The following COBL variants were observed in gnomAD, a reference collection of about 807,000 sequenced individuals.
The protein encoded by COBL is cordon-bleu WH2 repeat protein.
A neutral mutation model predicts 98.8 loss-of-function variants in COBL; 51 were observed. The ratio of observed to expected loss-of-function variants is 0.52; its 90% CI spans 0.41 to 0.65. The LOEUF (loss-of-function observed/expected upper bound fraction) is 0.65. Among genes scored for constraint, COBL ranks in the 30% least tolerant of loss-of-function variants. COBL has a pLI of 0.00. For synonymous variants in COBL, 634 were observed against 651.7 expected (o/e 0.97, Z 0.41); for missense variants, 1,617 against 1,617.5 (o/e 1.00, Z 0.01).
chr7:51,136,487 G>A (rs1209663804), intron 5 of COBL, among the ~76,000 whole-genome samples, 156 bp from the exon 6 acceptor site: 1 of 152,206 alleles, frequency 6.6e-6, no homozygotes, highest in Non-Finnish European at 1.5e-5. Flanking sequence ...AGCCCTGCCT[G>A]TAGCTTTCCA....
chr7:51,203,883 T>C (rs1380357576), intron 2 of COBL, among the ~76,000 whole-genome samples: 1 of 152,156 alleles, frequency 6.6e-6, no homozygotes, highest in East Asian at 1.9e-4. Flanking sequence ...TTTATGAGGC[T>C]AGAATCATGC....
At chr7:51,304,213 A>G (rs1751204161) in intron 1 of COBL, among the ~76,000 whole-genome samples, 1 of 152,184 alleles carries the variant, frequency 6.6e-6, no homozygotes, top group African/African-American at 2.4e-5. Context: ...CTGCTAGGAG[A>G]GCAAAACAAA....
At chr7:51,298,723 T>G (rs1199254224) in intron 1 of COBL, among the ~76,000 whole-genome samples, 1 of 152,242 alleles carries the variant, frequency 6.6e-6, no homozygotes, top group Non-Finnish European at 1.5e-5. Context: ...ATTTTCACTG[T>G]TGACCCTGTC....
intron 2 of COBL, among the ~76,000 whole-genome samples, chr7:51,196,657 CTTTTT>C (rs925735721): frequency 5.3e-5 from 8 of 150,330 alleles, no homozygotes; most frequent in African/African-American, 1.9e-4. Context: ...TTTTTCTTTT[CTTTTT>C]TTTTGGTTGG....
intron 1 of COBL, among the ~76,000 whole-genome samples, chr7:51,231,624 C>A (rs534828990): frequency 1.8e-3 from 280 of 152,258 alleles, no homozygotes; most frequent in African/African-American, 6.4e-3. Flanking sequence ...CAGCAGCATG[C>A]GACAGAGAGG....
chr7:51,186,044 A>T (rs1789468823), intron 4 of COBL, among the ~76,000 whole-genome samples: 1 of 152,282 alleles, frequency 6.6e-6, no homozygotes, highest in Admixed American at 6.5e-5. Flanking sequence ...AACATGGTGC[A>T]GCAGCACCAA....
chr7:51,185,556 C>T (rs760943386), intron 4 of COBL, among the ~76,000 whole-genome samples: 3 of 152,232 alleles, frequency 2.0e-5, no homozygotes, highest in Non-Finnish European at 4.4e-5. Flanking sequence ...TTTGTCATTA[C>T]TTCATTCCAT....
At chr7:51,111,219 C>T (rs778519201) in intron 6 of COBL, among the ~76,000 whole-genome samples, 1 of 152,144 alleles carries the variant, frequency 6.6e-6, no homozygotes, top group Non-Finnish European at 1.5e-5. Flanking sequence ...GGGATTGCTG[C>T]ATCATTTAGG....
chr7:51,189,463 G>A (rs1413372575), intron 4 of COBL, among the ~76,000 whole-genome samples: 5 of 152,076 alleles, frequency 3.3e-5, no homozygotes, highest in African/African-American at 9.7e-5. Context: ...GTGAAACCCC[G>A]TCTCTACTAA....
intron 1 of COBL, among the ~76,000 whole-genome samples, chr7:51,314,508 G>A (rs1239312083): frequency 6.6e-6 from 1 of 152,146 alleles, no homozygotes; most frequent in African/African-American, 2.4e-5. Flanking sequence ...TTTATAATTA[G>A]CAAGCATACA....
chr7:51,054,245 T>A (rs933737561), intron 7 of COBL, among the ~76,000 whole-genome samples: 3 of 152,238 alleles, frequency 2.0e-5, no homozygotes, highest in African/African-American at 7.2e-5. Context: ...GCTTTTTTTT[T>A]CTTTTCACAT....
At chr7:51,199,293 A>C (rs1489212085) in intron 2 of COBL, among the ~76,000 whole-genome samples, 1 of 152,170 alleles carries the variant, frequency 6.6e-6, no homozygotes, top group Non-Finnish European at 1.5e-5. Context: ...GAGATACCAG[A>C]GGCAATAACA....
intron 5 of COBL, among the ~76,000 whole-genome samples, chr7:51,155,792 T>A (rs967139760): frequency 6.6e-6 from 1 of 151,990 alleles, no homozygotes. Context: ...TCAGGACTAT[T>A]TAAGCCCTCC....
At chr7:51,223,994 T>A (rs1287494239) in intron 1 of COBL, among the ~76,000 whole-genome samples, 1 of 152,220 alleles carries the variant, frequency 6.6e-6, no homozygotes. Flanking sequence ...CCCCTAAGAC[T>A]GTAATACCTT....
At chr7:51,177,263 T>G (rs989676083) in intron 5 of COBL, among the ~76,000 whole-genome samples, 1 of 152,076 alleles carries the variant, frequency 6.6e-6, no homozygotes, top group African/African-American at 2.4e-5. Flanking sequence ...CTGGGAGGGG[T>G]TGGTTCTCCA....
At chr7:51,037,968 C>T (rs766134162) in intron 8 of COBL, among the ~76,000 whole-genome samples, 1 of 152,192 alleles carries the variant, frequency 6.6e-6, no homozygotes, top group South Asian at 2.1e-4. Context: ...TCTCCTGCCT[C>T]AGCCTCCCTA....
At chr7:51,132,859 T>C (rs1359214207) in intron 6 of COBL, among the ~76,000 whole-genome samples, 2 of 151,826 alleles carry the variant, frequency 1.3e-5, no homozygotes, top group Admixed American at 6.6e-5. Flanking sequence ...AACAATCAGA[T>C]CTCAGGTAAA....
chr7:51,315,894 G>C (rs541603602), intron 1 of COBL, among the ~76,000 whole-genome samples: 2 of 152,364 alleles, frequency 1.3e-5, no homozygotes, highest in Admixed American at 1.3e-4. Flanking sequence ...GAATCGCGAA[G>C]ACAGGGATGG....
chr7:51,179,855 A>G (rs1788768326), intron 5 of COBL, among the ~76,000 whole-genome samples: 1 of 152,208 alleles, frequency 6.6e-6, no homozygotes, highest in South Asian at 2.1e-4. Flanking sequence ...AAAGCTAAGT[A>G]CATGGCACTG....
Sources: allele counts gnomAD v4.1 joint callset (sites outside exome capture counted in the v4.1 genomes callset), GRCh38; gene constraint gnomAD v4.1.1; transcripts MANE v1.5; gene names NCBI Gene and HGNC (gene_info 2026-07-23, HGNC 2026-07-21).